FOXP2: variants seen among roughly 807,000 people sequenced by gnomAD.
FOXP2 encodes forkhead box P2, also known as forkhead box protein P2.
A neutral mutation model predicts 115.8 loss-of-function variants in FOXP2; 12 were observed. The observed-to-expected ratio is 0.10, with a 90% CI of 0.07 to 0.17. FOXP2 has a LOEUF of 0.17. FOXP2 is among the 10% of genes least tolerant of loss of function. The probability of loss-of-function intolerance (pLI) is 1.00; values close to 1 mark genes in which losing one functional copy is unlikely to be tolerated. For synonymous variants in FOXP2, 328 were observed against 297.7 expected (o/e 1.10, Z -1.05); for missense variants, 629 against 843.5 (o/e 0.75, Z 3.15).
At chr7:114,611,257 A>G (rs1264291701) in intron 3 of FOXP2, among the ~76,000 whole-genome samples, 1 of 152,214 alleles carries the variant, frequency 6.6e-6, no homozygotes, top group Non-Finnish European at 1.5e-5. Context: ...CACTTATGTG[A>G]ACACATTTAA....
chr7:114,140,221 ACTT>A (rs1299813779), intron 1 of FOXP2, among the ~76,000 whole-genome samples: 27 of 152,284 alleles, frequency 1.8e-4, no homozygotes, highest in South Asian at 1.5e-3. Context: ...TTAGTTCTCA[ACTT>A]CTTCATTTTC....
chr7:114,526,079 T>A (rs925920294), intron 2 of FOXP2, among the ~76,000 whole-genome samples: 10 of 142,438 alleles, frequency 7.0e-5, no homozygotes, highest in African/African-American at 2.6e-4. Flanking sequence ...ACCATTGCAC[T>A]CCAGCCTGGA....
In FOXP2 at chr7:114,646,060, TAAAAAAAAAA is replaced by T. The variant is rs57137258; in HGVS notation, c.1094+1284_1094+1293del. On this transcript the variant is annotated intron_variant, in intron 8 of 16. Coordinates refer to ENST00000350908, the MANE Select transcript of FOXP2 (RefSeq NM_014491.4). ...GTAGCTTTGCTGAAGTTTTCTTCTCTAAAAAAAAAAAAAAAAAAAAAATTGTTAAAGCAAA... is the reference window on the plus strand; with the variant it reads ...GTAGCTTTGCTGAAGTTTTCTTCTCTAAAAAAAAAAAATTGTTAAAGCAAA... Among the ~76,000 whole-genome samples, 425 of 85,666 alleles carry T rather than the reference TAAAAAAAAAA, an allele frequency of 5.0e-3. 2 individuals are homozygous for T. Among genetic ancestry groups the T allele is most frequent in the African/African-American group, 0.016 (407 of 25,062 alleles). The allele number at this position is 85,666 out of a possible 152,430, so 56.2% of individuals were successfully genotyped here.
intron 3 of FOXP2, among the ~76,000 whole-genome samples, chr7:114,601,583 T>C (rs771143210): frequency 7.2e-5 from 11 of 152,160 alleles, no homozygotes; most frequent in Non-Finnish European, 1.2e-4. Flanking sequence ...AGATGATCAA[T>C]TTTTCAGCCT....
At chr7:114,662,765 T>C (rs1322283381) in intron 14 of FOXP2, among the ~76,000 whole-genome samples, 1 of 152,092 alleles carries the variant, frequency 6.6e-6, no homozygotes, top group Non-Finnish European at 1.5e-5. Flanking sequence ...AATTACTGGC[T>C]GGGAAGTTTG....
intron 1 of FOXP2, among the ~76,000 whole-genome samples, chr7:114,204,216 CT>C (rs1201087570): frequency 6.6e-6 from 1 of 152,090 alleles, no homozygotes; most frequent in Non-Finnish European, 1.5e-5. Flanking sequence ...TTCAATGGTA[CT>C]TTTTATTTAA....
chr7:114,549,206 T>C (rs1188900965), intron 3 of FOXP2, among the ~76,000 whole-genome samples: 3 of 152,216 alleles, frequency 2.0e-5, no homozygotes, highest in Admixed American at 6.5e-5. Flanking sequence ...TCATTCATTT[T>C]GTTCCCACAT....
chr7:114,175,514 T>A (rs73206262), intron 1 of FOXP2, among the ~76,000 whole-genome samples: 2,727 of 152,316 alleles, frequency 0.018, 37 homozygotes, highest in Non-Finnish European at 0.028. Flanking sequence ...ACCATTTTCA[T>A]TTAACTCTCT....
At chr7:114,352,632 C>T (rs1164858876) in intron 2 of FOXP2, among the ~76,000 whole-genome samples, 1 of 152,126 alleles carries the variant, frequency 6.6e-6, no homozygotes, top group Non-Finnish European at 1.5e-5. Flanking sequence ...AGACTTTTCT[C>T]CTTAGCTTGT....
intron 1 of FOXP2, among the ~76,000 whole-genome samples, chr7:114,136,742 C>A (rs1177708819): frequency 6.6e-6 from 1 of 151,724 alleles, no homozygotes; most frequent in African/African-American, 2.4e-5. Flanking sequence ...AAAATCAAAT[C>A]TGTTACAATG....
At chr7:114,481,772 C>CTATCTATCTATG (rs1796550823) in intron 2 of FOXP2, among the ~76,000 whole-genome samples, 1 of 147,898 alleles carries the variant, frequency 6.8e-6, no homozygotes, top group African/African-American at 2.5e-5. Context: ...CTCTATCTAT[C>CTATCTATCTATG]TATCTATCTA....
At chr7:114,264,111 C>T (rs1220038512) in intron 1 of FOXP2, among the ~76,000 whole-genome samples, 2 of 152,066 alleles carry the variant, frequency 1.3e-5, no homozygotes, top group Non-Finnish European at 2.9e-5. Flanking sequence ...GAGGTCAAAA[C>T]TCTTTAATAC....
intron 1 of FOXP2, among the ~76,000 whole-genome samples, chr7:114,263,134 G>T (rs2396721): frequency 0.67 from 101,566 of 151,928 alleles, 34,419 homozygotes; most frequent in Middle Eastern, 0.83. Flanking sequence ...CAATCCTTTT[G>T]TCCTTAATAT....
intron 2 of FOXP2, among the ~76,000 whole-genome samples, chr7:114,445,298 G>A (rs1794784441): frequency 6.6e-6 from 1 of 152,108 alleles, no homozygotes; most frequent in Non-Finnish European, 1.5e-5. Flanking sequence ...AAATGAGTTT[G>A]TGCCTTTTTA....
chr7:114,503,997 T>G (rs1441208051), intron 2 of FOXP2, among the ~76,000 whole-genome samples: 3 of 151,604 alleles, frequency 2.0e-5, no homozygotes, highest in Non-Finnish European at 3.0e-5. Flanking sequence ...TTAATACAAC[T>G]TATGGAAGTT....
chr7:114,553,656 C>G (rs1442466808), intron 3 of FOXP2, among the ~76,000 whole-genome samples: 1 of 152,016 alleles, frequency 6.6e-6, no homozygotes, highest in African/African-American at 2.4e-5. Flanking sequence ...AGTATATGAA[C>G]TAGAAGAATA....
intron 1 of FOXP2, among the ~76,000 whole-genome samples, chr7:114,202,051 C>G (rs1264832142): frequency 6.6e-6 from 1 of 152,166 alleles, no homozygotes; most frequent in Non-Finnish European, 1.5e-5. Flanking sequence ...ACTTCCATGA[C>G]CACACAATTG....
At chr7:114,446,008 T>C (rs925960848) in intron 2 of FOXP2, among the ~76,000 whole-genome samples, 6 of 151,678 alleles carry the variant, frequency 4.0e-5, no homozygotes, top group African/African-American at 1.5e-4. Context: ...TCATATAATA[T>C]ACTGAATTAA....
intron 3 of FOXP2, among the ~76,000 whole-genome samples, chr7:114,593,396 A>G (rs1802536614): frequency 6.6e-6 from 1 of 151,970 alleles, no homozygotes; most frequent in African/African-American, 2.4e-5. Context: ...AAGTTGTACC[A>G]ATTGACAAAA....
Sources: allele counts gnomAD v4.1 joint callset (sites outside exome capture counted in the v4.1 genomes callset), GRCh38; gene constraint gnomAD v4.1.1; transcripts MANE v1.5; gene names NCBI Gene and HGNC (gene_info 2026-07-23, HGNC 2026-07-21).